The following IL1RAPL1 variants were observed in gnomAD, a reference collection of about 807,000 sequenced individuals.
The protein encoded by IL1RAPL1 is interleukin-1 receptor accessory protein-like 1.
A neutral mutation model predicts 48.4 loss-of-function variants in IL1RAPL1; 3 were observed. That is an observed-to-expected ratio of 0.06 (90% CI 0.03 to 0.16). IL1RAPL1 has a LOEUF of 0.16. Among genes scored for constraint, IL1RAPL1 ranks in the 10% least tolerant of loss-of-function variants. The probability of loss-of-function intolerance (pLI) is 1.00; values close to 1 mark genes in which losing one functional copy is unlikely to be tolerated. For missense variants in IL1RAPL1, 349 were observed against 530.6 expected (o/e 0.66, Z 3.36); for synonymous variants, 185 against 187.7 (o/e 0.99, Z 0.12).
intron 2 of IL1RAPL1, among the ~76,000 whole-genome samples, chrX:29,106,504 A>G (rs1047041295): frequency 8.9e-6 from 1 of 112,025 alleles, no homozygotes; most frequent in Non-Finnish European, 1.9e-5. Context: ...ATGGAGTGAG[A>G]TAAGGATATT....
At chrX:29,223,614 G>A (rs778878794) in intron 2 of IL1RAPL1, among the ~76,000 whole-genome samples, 5 of 106,510 alleles carry the variant, frequency 4.7e-5, no homozygotes, top group Admixed American at 4.1e-4. Flanking sequence ...GTGCGATCTC[G>A]GCTCACTGCA....
chrX:29,734,346 A>G (rs1927994132), intron 6 of IL1RAPL1, among the ~76,000 whole-genome samples: 2 of 112,505 alleles, frequency 1.8e-5, no homozygotes, highest in South Asian at 7.3e-4. Flanking sequence ...GATATGTGTT[A>G]CATACACATG....
At chrX:29,260,446 C>G (rs1425660661) in intron 2 of IL1RAPL1, among the ~76,000 whole-genome samples, 1 of 112,170 alleles carries the variant, frequency 8.9e-6, no homozygotes, top group African/African-American at 3.2e-5. Context: ...GCACACAAAA[C>G]AGCTTGTGCT....
intron 6 of IL1RAPL1, among the ~76,000 whole-genome samples, chrX:29,803,480 T>G (rs1894782): frequency 1.4e-4 from 14 of 98,495 alleles, no homozygotes; most frequent in Admixed American, 3.4e-4. Context: ...TGTATACATA[T>G]ATGTATACAT....
intron 5 of IL1RAPL1, among the ~76,000 whole-genome samples, chrX:29,437,980 A>G (rs895399894): frequency 9.0e-6 from 1 of 110,949 alleles, no homozygotes; most frequent in Non-Finnish European, 1.9e-5. Flanking sequence ...TGTTTCATAG[A>G]ATTTTCCAGC....
chrX:29,097,355 G>C (rs1928236986), intron 2 of IL1RAPL1, among the ~76,000 whole-genome samples: 1 of 111,416 alleles, frequency 9.0e-6, no homozygotes, highest in South Asian at 3.7e-4. Flanking sequence ...ATGGACTCTT[G>C]GAACTCCAAG....
At chrX:29,573,590 T>C (rs1355573196) in intron 5 of IL1RAPL1, among the ~76,000 whole-genome samples, 2 of 112,248 alleles carry the variant, frequency 1.8e-5, no homozygotes, top group Admixed American at 1.9e-4. Context: ...CTGAGTTTTT[T>C]GAAAGATTTA....
intron 6 of IL1RAPL1, among the ~76,000 whole-genome samples, chrX:29,689,994 A>G (rs1181643742): frequency 9.0e-6 from 1 of 111,658 alleles, no homozygotes; most frequent in Admixed American, 9.5e-5. Context: ...CTGGGAAACT[A>G]ATTGTCTAGG....
At chrX:29,393,861 A>G (rs1342291821) in intron 3 of IL1RAPL1, among the ~76,000 whole-genome samples, 1 of 110,965 alleles carries the variant, frequency 9.0e-6, no homozygotes. Flanking sequence ...ATAATCTTAT[A>G]ATGAGCCTAG....
At chrX:29,644,358 G>A (rs776709377) in intron 5 of IL1RAPL1, among the ~76,000 whole-genome samples, 2 of 111,665 alleles carry the variant, frequency 1.8e-5, no homozygotes, top group Non-Finnish European at 3.8e-5. Flanking sequence ...AGAGCATGGT[G>A]GACCAGAAGT....
chrX:29,140,368 C>T (rs767246452), intron 2 of IL1RAPL1, among the ~76,000 whole-genome samples: 76 of 111,950 alleles, frequency 6.8e-4, no homozygotes, highest in African/African-American at 2.1e-3. Context: ...CAAACATCTA[C>T]GATACAGATG....
intron 2 of IL1RAPL1, among the ~76,000 whole-genome samples, chrX:28,886,216 TTATTA>T (rs1392173748): frequency 9.1e-6 from 1 of 110,006 alleles, no homozygotes; most frequent in Non-Finnish European, 1.9e-5. Context: ...ATATATAATT[TTATTA>T]TATTATCTCC....
chrX:28,788,908 A>G lies in IL1RAPL1; in HGVS notation c.-24-412A>G, dbSNP rs1417332213. ...TATGATTTAATCTCTGTTGGAAAGA[A>G]TGACACTGAATAAAACCACATTCTA... On this transcript the variant is annotated intron_variant, in intron 1 of 10. Coordinates refer to ENST00000378993, the MANE Select transcript of IL1RAPL1 (RefSeq NM_014271.4). 4.5e-5 allele frequency among the ~76,000 whole-genome samples: 5 copies of G among 112,269 alleles called. No homozygotes were observed. The East Asian group carries it at 1.4e-3, about 31-fold the overall frequency.
At chrX:28,894,234 A>G (rs1213448689) in intron 2 of IL1RAPL1, among the ~76,000 whole-genome samples, 3 of 112,278 alleles carry the variant, frequency 2.7e-5, no homozygotes, top group East Asian at 5.6e-4. Flanking sequence ...GGCTTGACTT[A>G]AGGCAATGAG....
intron 6 of IL1RAPL1, among the ~76,000 whole-genome samples, chrX:29,781,580 G>C (rs1472681651): frequency 8.9e-6 from 1 of 111,898 alleles, no homozygotes; most frequent in Non-Finnish European, 1.9e-5. Context: ...TTAAATAGTT[G>C]TTATAATATA....
chrX:29,145,301 A>G (rs1250781379), intron 2 of IL1RAPL1, among the ~76,000 whole-genome samples: 3 of 111,881 alleles, frequency 2.7e-5, no homozygotes, highest in Non-Finnish European at 3.8e-5. Context: ...TAAAAGATGT[A>G]AGGTTAATGG....
intron 2 of IL1RAPL1, among the ~76,000 whole-genome samples, chrX:28,872,872 A>G (rs1364473012): frequency 2.7e-5 from 3 of 112,127 alleles, no homozygotes; most frequent in Admixed American, 9.5e-5. Flanking sequence ...CTATAGTATT[A>G]CACAAATATT....
chrX:29,603,851 A>G (rs1322644176), intron 5 of IL1RAPL1, among the ~76,000 whole-genome samples: 3 of 112,672 alleles, frequency 2.7e-5, no homozygotes, highest in Non-Finnish European at 5.6e-5. Context: ...TAAATAGAGT[A>G]TATGTCATTT....
At chrX:29,397,826 T>C (rs1933938023) in intron 4 of IL1RAPL1, among the ~76,000 whole-genome samples, 1 of 111,790 alleles carries the variant, frequency 8.9e-6, no homozygotes, top group Admixed American at 9.6e-5. Context: ...TGTTCACTAA[T>C]AAGTTTATTT....
Sources: allele counts gnomAD v4.1 joint callset (sites outside exome capture counted in the v4.1 genomes callset), GRCh38; gene constraint gnomAD v4.1.1; transcripts MANE v1.5; gene names NCBI Gene and HGNC (gene_info 2026-07-23, HGNC 2026-07-21).